The following AGPAT4 variants were observed in gnomAD, a reference collection of about 807,000 sequenced individuals.
AGPAT4 encodes the protein 1-acyl-sn-glycerol-3-phosphate acyltransferase delta.
In AGPAT4, 15 loss-of-function variants were observed where a neutral mutation model predicts 48.0. The ratio of observed to expected loss-of-function variants is 0.31; its 90% confidence interval spans 0.21 to 0.48. The LOEUF (loss-of-function observed/expected upper bound fraction) is 0.48. Ranked by LOEUF, AGPAT4 falls within the 20% of genes least tolerant of loss-of-function variation. AGPAT4 has a pLI of 0.99. For synonymous variants in AGPAT4, 178 were observed against 198.7 expected, an observed-to-expected ratio of 0.90 and a Z score of 0.88; for missense variants, 314 against 482.5, an observed-to-expected ratio of 0.65 and a Z score of 3.27.
rs575756853 is a variant in AGPAT4 at position 161,246,918 on chromosome 6, G to C, written c.-89-14616C>G. On this transcript the variant is annotated intron_variant, in intron 1 of 8. Transcript: ENST00000320285. This position sits in a 1 kb window ranked among gnomAD's most constrained non-coding sequence, Gnocchi z 5.5. Reference sequence around the variant, plus strand: ...AAAAGTAAGAGCATAAACTGATAAAGTCCTGGGCTTCTTTCCCATTAACAT... The same window carrying C: ...AAAAGTAAGAGCATAAACTGATAAACTCCTGGGCTTCTTTCCCATTAACAT... 6.6e-6 allele frequency among the ~76,000 whole-genome samples: 1 copy of C among 152,206 alleles called. No homozygotes were observed. Among genetic ancestry groups the C allele is most frequent in the Non-Finnish European group, 1.5e-5 (1 of 68,052 alleles).
chr6:161,199,782 C>T (rs140185122), intron 2 of AGPAT4, among the ~76,000 whole-genome samples: 52 of 152,266 alleles, frequency 3.4e-4, no homozygotes, highest in Middle Eastern at 3.4e-3. Flanking sequence ...GCTTCCCCTA[C>T]GTCTTCCGCC....
At chr6:161,269,395 C>T (rs544369574) in intron 1 of AGPAT4, among the ~76,000 whole-genome samples, 2 of 152,356 alleles carry the variant, frequency 1.3e-5, no homozygotes, top group East Asian at 3.9e-4. Flanking sequence ...CTGCCCAGCA[C>T]AGTTTATGCT....
Position 161,222,477 on chromosome 6 carries a change from A to G in AGPAT4, c.178+9559T>C, listed in dbSNP as rs952950002. Among the ~76,000 whole-genome samples the G allele has an allele frequency of 6.6e-6, 1 of 152,118 alleles. No individual in the cohort carries two copies. Among genetic ancestry groups the G allele is most frequent in the Non-Finnish European group, 1.5e-5 (1 of 68,022 alleles). ...TATTAGAATGTACCAAGAGTTTTGT[A>G]TTGTGCTATTTTTACTTAATAATAT... On this transcript the variant is annotated intron_variant, in intron 2 of 8. Coordinates refer to ENST00000320285, the MANE Select transcript of AGPAT4 (RefSeq NM_020133.3). This position sits in a 1 kb window ranked among gnomAD's most constrained non-coding sequence, Gnocchi z 5.9.
In AGPAT4 at chr6:161,189,574, A is replaced by G. The variant is rs1231878491; in HGVS notation, c.179-23157T>C. On this transcript the variant is annotated intron_variant, in intron 2 of 8. Coordinates refer to ENST00000320285, the MANE Select transcript of AGPAT4 (RefSeq NM_020133.3). This position sits in a 1 kb window ranked among gnomAD's most constrained non-coding sequence, Gnocchi z 5.3. ...AAGAAGCTGAGGCTCTGAAAGTCTT[A>G]GCAACTTGCCCCAGGCCACTGAGAC... Among the ~76,000 whole-genome samples, 2 of 152,098 alleles carry G rather than the reference A, an allele frequency of 1.3e-5. No individual in the cohort carries two copies. The highest frequency in any genetic ancestry group is 2.4e-5 in the African/African-American group (1 of 41,404).
intron 1 of AGPAT4, among the ~76,000 whole-genome samples, chr6:161,239,353 T>A (rs1487104902): frequency 2.6e-5 from 4 of 152,246 alleles, no homozygotes; most frequent in Non-Finnish European, 4.4e-5. Flanking sequence ...ATATCCTTAG[T>A]TAAGACTTCA....
chr6:161,237,290 T>C lies in AGPAT4; in HGVS notation c.-89-4988A>G, dbSNP rs188177765. ...TTAGCCAATCATTTGGCAAAGTCTCTGGCAGTCCTCAAGGGCACATACTGA... is the reference window on the plus strand; with the variant it reads ...TTAGCCAATCATTTGGCAAAGTCTCCGGCAGTCCTCAAGGGCACATACTGA... On this transcript the variant is annotated intron_variant, in intron 1 of 8. Transcript: ENST00000320285. Among the ~76,000 whole-genome samples, 718 of 152,382 alleles carry C rather than the reference T, an allele frequency of 4.7e-3. 6 individuals carry two copies. Among genetic ancestry groups the C allele is most frequent in the African/African-American group, 0.016 (683 of 41,598 alleles).
rs1779932124 is a variant in AGPAT4 at position 161,161,443 on chromosome 6, GC to G, written c.348+4804del. On this transcript the variant is annotated intron_variant, in intron 3 of 8. Transcript: ENST00000320285. The surrounding 1 kb of genome is among the most constrained non-coding windows in gnomAD (Gnocchi z 4.6). The stretch of plus-strand genomic sequence containing the variant: ...TGCCAAACCCAGTGAATGGTAAGAG[GC>G]AGAGGGTGGCGTCCCAGCCCATTCC... 1 of 456,614 alleles carries G rather than the reference GC, an allele frequency of 2.2e-6. No homozygotes were observed. Among genetic ancestry groups the G allele is most frequent in the African/African-American group, 2.0e-5 (1 of 50,066 alleles). The allele number at this position is 456,614 out of a possible 1,614,324, so 28.3% of individuals were successfully genotyped here.
rs16892196 is a variant in AGPAT4, at chr6:161,137,066, C to A, written c.1043-432G>T. Among the ~76,000 whole-genome samples, 15,241 of 152,206 alleles carry A rather than the reference C, an allele frequency of 0.1. 1,149 individuals are homozygous for A. The highest frequency in any genetic ancestry group is 0.25 in the Admixed American group (3,892 of 15,286). On this transcript the variant is annotated intron_variant, in intron 8 of 8. Transcript: ENST00000320285. This position sits in a 1 kb window ranked among gnomAD's most constrained non-coding sequence, Gnocchi z 6.1. ...GACGCAAGAGCTCGAGTATCGAGTG[C>A]CCAACACGTTTCAGCACTGCTTTTG...
chr6:161,190,616 C>T (rs1780897916), intron 2 of AGPAT4, among the ~76,000 whole-genome samples: 1 of 149,798 alleles, frequency 6.7e-6, no homozygotes, highest in Admixed American at 6.7e-5. Context: ...ATCCTTAGAC[C>T]TTAAGATATT....
chr6:161,170,678 T>A (rs1780245533), intron 2 of AGPAT4, among the ~76,000 whole-genome samples: 1 of 152,130 alleles, frequency 6.6e-6, no homozygotes, highest in Non-Finnish European at 1.5e-5. Flanking sequence ...CAGAGCCTTC[T>A]CTCTACAGCT....
Position 161,150,661 on chromosome 6 carries a change from G to A in AGPAT4, c.665-1372C>T, listed in dbSNP as rs1380978999. On this transcript the variant is annotated intron_variant, in intron 5 of 8. Coordinates refer to ENST00000320285, the MANE Select transcript of AGPAT4 (RefSeq NM_020133.3). ...CCTGGAAGTGGGGCCCGGAGTGCCC[G>A]AGACCACTCACCCCCGCCTTGGGGC... is the stretch of plus-strand genomic sequence containing the variant. 6.6e-5 allele frequency among the ~76,000 whole-genome samples: 10 copies of A among 152,206 alleles called. No individual in the cohort carries two copies. The East Asian group carries it at 1.7e-3, about 26-fold the overall frequency.
At position 161,262,347 on chromosome 6, in the gene AGPAT4, T is replaced by C. The variant is rs1420360454; in HGVS notation, c.-90+11591A>G. On this transcript the variant is annotated intron_variant, in intron 1 of 8. Coordinates refer to ENST00000320285, the MANE Select transcript of AGPAT4 (RefSeq NM_020133.3). This position sits in a 1 kb window ranked among gnomAD's most constrained non-coding sequence, Gnocchi z 4.9. ...TGCTGCCAGGACCTGAAAAGCGTGA[T>C]GGAGCTGCAGCCATGGTGGCCAGCT... Among the ~76,000 whole-genome samples, 3 of 152,200 alleles carry C rather than the reference T, an allele frequency of 2.0e-5. No homozygotes were observed. The highest frequency in any genetic ancestry group is 2.0e-4 in the Admixed American group (3 of 15,278).
chr6:161,172,118 A>C (rs1000577831), intron 2 of AGPAT4, among the ~76,000 whole-genome samples: 1 of 152,222 alleles, frequency 6.6e-6, no homozygotes, highest in Non-Finnish European at 1.5e-5. Context: ...GAATGAAAAC[A>C]ATGCATCAAA....
Position 161,208,479 on chromosome 6 carries a change from A to ATT in AGPAT4, c.178+23555_178+23556dup, listed in dbSNP as rs3842104. ...ACCCCCAACATCTGCAGGTTTAAGC[A>ATT]TTTTTTTTTTCCATAATGTTCACAA... On this transcript the variant is annotated intron_variant, in intron 2 of 8. Transcript: ENST00000320285. The surrounding 1 kb of genome is among the most constrained non-coding windows in gnomAD (Gnocchi z 4.6). Among the ~76,000 whole-genome samples, 13 of 150,408 alleles carry ATT rather than the reference A, an allele frequency of 8.6e-5. No individual in the cohort carries two copies. The highest frequency in any genetic ancestry group is 2.0e-4 in the East Asian group (1 of 5,124).
At position 161,166,353 on chromosome 6, in the gene AGPAT4, G is replaced by T; in HGVS notation, c.243C>A (p.Ala81=). The change falls in exon 3 of 9, where the codon GCC becomes GCA. Residue 81 remains alanine, a synonymous_variant. Transcript: ENST00000320285. This position sits in a 1 kb window ranked among gnomAD's most constrained non-coding sequence, Gnocchi z 6.7. The stretch of plus-strand genomic sequence containing the variant: ...CATTTTCCTTCCCATACTTGAGGTA[G>T]GCGCGCGGGTCCGTGAAGATGGTGC... ...TECTIFTDPR[A]YLKYGKENAI... The T allele has an allele frequency of 6.2e-7, 1 of 1,614,134 alleles. No homozygotes were observed. The highest frequency in any genetic ancestry group is 8.5e-7 in the Non-Finnish European group (1 of 1,180,028).
At chr6:161,209,193 G>A (rs1375500923) in intron 2 of AGPAT4, among the ~76,000 whole-genome samples, 1 of 152,160 alleles carries the variant, frequency 6.6e-6, no homozygotes, top group East Asian at 1.9e-4. Flanking sequence ...AGCACCCTCT[G>A]GAGAAGAGCT....
rs1035561878 is a variant in AGPAT4 at position 161,208,399 on chromosome 6, A to G, written c.178+23637T>C. 1.7e-4 allele frequency among the ~76,000 whole-genome samples: 26 copies of G among 152,134 alleles called. No individual in the cohort carries two copies. Among genetic ancestry groups the G allele is most frequent in the African/African-American group, 6.0e-4 (25 of 41,424 alleles). ...ACCTTGAAGGCTTCTTGTTCTTAAC[A>G]GCTCAATTAAACTCATGTACACACT... On this transcript the variant is annotated intron_variant, in intron 2 of 8. Coordinates refer to ENST00000320285, the MANE Select transcript of AGPAT4 (RefSeq NM_020133.3). The surrounding 1 kb of genome is among the most constrained non-coding windows in gnomAD (Gnocchi z 4.6).
At chr6:161,150,922 C>T (rs1489266909) in intron 5 of AGPAT4, among the ~76,000 whole-genome samples, 1 of 152,204 alleles carries the variant, frequency 6.6e-6, no homozygotes, top group Admixed American at 6.5e-5. Flanking sequence ...TTTCCTCCAA[C>T]CTGTTCACAC....
chr6:161,250,878 T>C (rs906036481), intron 1 of AGPAT4, among the ~76,000 whole-genome samples: 1 of 152,356 alleles, frequency 6.6e-6, no homozygotes, highest in African/African-American at 2.4e-5. Flanking sequence ...TGAAGCTGCA[T>C]GTTTTAAAGT....
Sources: gnomAD v4.1 joint callset for allele counts (sites outside exome capture counted in the v4.1 genomes callset) on GRCh38, gnomAD v4.1.1 for gene constraint, Gnocchi (gnomAD v3.1) non-coding constraint, MANE v1.5 for transcripts, NCBI Gene and HGNC (gene_info 2026-07-23, HGNC 2026-07-21) for gene names.